SLC4A10: variants seen among roughly 807,000 people sequenced by gnomAD.
SLC4A10 encodes sodium-driven chloride bicarbonate exchanger.
A neutral mutation model predicts 137.7 loss-of-function variants in SLC4A10; 42 were observed. The ratio of observed to expected loss-of-function variants is 0.30; its 90% CI spans 0.24 to 0.39. SLC4A10 has a LOEUF of 0.39. Among genes scored for constraint, SLC4A10 ranks in the 10% least tolerant of loss-of-function variants. SLC4A10 has a pLI of 1.00. For synonymous variants in SLC4A10, 474 were observed against 464.1 expected, an observed-to-expected ratio of 1.02 and a Z score of -0.27; for missense variants, 925 against 1,355.0, an observed-to-expected ratio of 0.68 and a Z score of 4.98.
intron 2 of SLC4A10, among the ~76,000 whole-genome samples, chr2:161,778,091 T>C (rs1175479075): frequency 6.6e-6 from 1 of 150,692 alleles, no homozygotes; most frequent in East Asian, 1.9e-4. Flanking sequence ...TAATTTCTGC[T>C]ACTTTCTACA....
intron 1 of SLC4A10, among the ~76,000 whole-genome samples, chr2:161,736,859 A>ATTG (rs543415614): frequency 6.6e-6 from 1 of 151,980 alleles, no homozygotes; most frequent in Non-Finnish European, 1.5e-5. Context: ...TATTATTATT[A>ATTG]TTGTTATTAT....
rs1336071727 is a variant in SLC4A10, at chr2:161,792,238, GA to G, written c.131-12210del. Among the ~76,000 whole-genome samples the G allele has an allele frequency of 4.6e-5, 7 of 152,186 alleles. No individual in the cohort carries two copies. The East Asian group carries it at 1.4e-3, about 29-fold the overall frequency. On this transcript the variant is annotated intron_variant, in intron 2 of 26. Coordinates refer to ENST00000446997, the MANE Select transcript of SLC4A10 (RefSeq NM_001178015.2). ...CAATCACTATTTCAGAGAAAAAATG[GA>G]TGAAAATAAACTTGTATTCATTACA...
intron 11 of SLC4A10, among the ~76,000 whole-genome samples, chr2:161,895,841 A>C (rs954608365): frequency 1.3e-5 from 2 of 151,846 alleles, no homozygotes; most frequent in Non-Finnish European, 2.9e-5. Flanking sequence ...AGGTTGTGAA[A>C]ATTTTCTTCC....
At chr2:161,981,654 G>A (rs1299127949) in intron 26 of SLC4A10, among the ~76,000 whole-genome samples, 2 of 152,212 alleles carry the variant, frequency 1.3e-5, no homozygotes, top group African/African-American at 4.8e-5. Context: ...TCATATAAAA[G>A]GAACTTAAAG....
Position 161,935,323 on chromosome 2 carries a change from C to G in SLC4A10, c.1998-7469C>G, listed in dbSNP as rs538908555. 1.9e-3 allele frequency among the ~76,000 whole-genome samples: 292 copies of G among 152,120 alleles called. 1 individual carries two copies. The highest frequency in any genetic ancestry group is 6.5e-3 in the African/African-American group (268 of 41,524). Reference sequence around the variant, plus strand: ...TTTGAAGTTTGATATTGTGATACTTCCAGGTTTGTTCTTTTTGCTCAAGAT... The same window carrying G: ...TTTGAAGTTTGATATTGTGATACTTGCAGGTTTGTTCTTTTTGCTCAAGAT... On this transcript the variant is annotated intron_variant, in intron 15 of 26. Transcript: ENST00000446997.
intron 23 of SLC4A10, among the ~76,000 whole-genome samples, chr2:161,969,029 A>G (rs955536228): frequency 1.3e-5 from 2 of 152,200 alleles, no homozygotes; most frequent in Admixed American, 6.5e-5. Flanking sequence ...CATTTCTGCA[A>G]TTGCTCAAAT....
chr2:161,752,536 G>T (rs890101612), intron 1 of SLC4A10, among the ~76,000 whole-genome samples: 3 of 151,926 alleles, frequency 2.0e-5, no homozygotes, highest in African/African-American at 4.8e-5. Context: ...ATGTCAAAGA[G>T]ATATAAAATA....
chr2:161,639,761 G>T (rs1256721009), intron 1 of SLC4A10, among the ~76,000 whole-genome samples: 2 of 152,214 alleles, frequency 1.3e-5, no homozygotes, highest in East Asian at 3.9e-4. Context: ...AATTCTGGAA[G>T]TCCTAGCCAG....
At chr2:161,838,520 A>G (rs1047748415) in intron 3 of SLC4A10, among the ~76,000 whole-genome samples, 1 of 152,218 alleles carries the variant, frequency 6.6e-6, no homozygotes, top group African/African-American at 2.4e-5. Flanking sequence ...AGACACTGCT[A>G]AAAGAATATA....
At chr2:161,764,087 A>T (rs1485039285) in intron 1 of SLC4A10, among the ~76,000 whole-genome samples, 1 of 152,144 alleles carries the variant, frequency 6.6e-6, no homozygotes, top group African/African-American at 2.4e-5. Flanking sequence ...TATAATAGTA[A>T]AAGAGTGGTG....
chr2:161,796,217 T>A (rs1034003094), intron 2 of SLC4A10, among the ~76,000 whole-genome samples: 3 of 152,216 alleles, frequency 2.0e-5, no homozygotes, highest in African/African-American at 7.2e-5. Context: ...TGTGTCACAA[T>A]CCATTTCCAA....
intron 4 of SLC4A10, among the ~76,000 whole-genome samples, chr2:161,847,087 A>C (rs1444446990): frequency 6.8e-6 from 1 of 148,050 alleles, no homozygotes; most frequent in African/African-American, 2.5e-5. Flanking sequence ...AAAAAATACA[A>C]AAAAAAAAAA....
intron 3 of SLC4A10, among the ~76,000 whole-genome samples, chr2:161,810,302 C>A (rs1156617553): frequency 1.3e-5 from 2 of 151,976 alleles, no homozygotes; most frequent in East Asian, 3.9e-4. Flanking sequence ...AAATTATAAT[C>A]ATCAGCAAAG....
chr2:161,822,987 G>A (rs188631924), intron 3 of SLC4A10, among the ~76,000 whole-genome samples: 1 of 151,490 alleles, frequency 6.6e-6, no homozygotes, highest in South Asian at 2.1e-4. Flanking sequence ...AAAATTATGT[G>A]TATATATATA....
chr2:161,689,990 T>C (rs1002482336), intron 1 of SLC4A10, among the ~76,000 whole-genome samples: 22 of 152,136 alleles, frequency 1.4e-4, no homozygotes, highest in African/African-American at 4.3e-4. Flanking sequence ...CATATACTAG[T>C]GTTCAAATGA....
chr2:161,978,612 G>C, intron 26 of SLC4A10, among the ~76,000 whole-genome samples: 1 of 152,074 alleles, frequency 6.6e-6, no homozygotes, highest in East Asian at 1.9e-4. Flanking sequence ...CTGCTTCAGT[G>C]TCATCTCTAT....
intron 3 of SLC4A10, among the ~76,000 whole-genome samples, chr2:161,818,044 G>C (rs1404364159): frequency 2.0e-5 from 3 of 151,908 alleles, no homozygotes; most frequent in Non-Finnish European, 4.4e-5. Context: ...GATGGGGATG[G>C]TATTGAATCT....
intron 19 of SLC4A10, 138 bp from the exon 20 acceptor site, chr2:161,956,851 G>C: frequency 1.1e-6 from 1 of 945,560 alleles, no homozygotes; most frequent in South Asian, 1.9e-5. Context: ...CTGAGTGTTT[G>C]TTTAAGAGTT....
chr2:161,720,702 C>T (rs1217820803), intron 1 of SLC4A10, among the ~76,000 whole-genome samples: 1 of 152,140 alleles, frequency 6.6e-6, no homozygotes, highest in Admixed American at 6.6e-5. Flanking sequence ...GATTTCAACT[C>T]CTGCTTTTTT....
Sources: gnomAD v4.1 joint callset for allele counts (sites outside exome capture counted in the v4.1 genomes callset) on GRCh38, gnomAD v4.1.1 for gene constraint, MANE v1.5 for transcripts, NCBI Gene and HGNC (gene_info 2026-07-23, HGNC 2026-07-21) for gene names.